LATS2: variants seen among roughly 807,000 people sequenced by gnomAD.
LATS2 encodes large tumor suppressor kinase 2, also known as serine/threonine-protein kinase LATS2.
In LATS2, 24 loss-of-function variants were observed where a neutral mutation model predicts 76.0. The observed-to-expected ratio is 0.32, with a 90% CI of 0.23 to 0.44. The LOEUF (loss-of-function observed/expected upper bound fraction) is 0.44, where lower values mean the gene tolerates loss of function less well. Ranked by LOEUF, LATS2 falls within the 20% of genes least tolerant of loss-of-function variation. The probability of loss-of-function intolerance (pLI) is 1.00; values close to 1 mark genes in which losing one functional copy is unlikely to be tolerated. For synonymous variants in LATS2, 692 were observed against 635.4 expected (o/e 1.09, Z -1.34); for missense variants, 1,286 against 1,481.2 (o/e 0.87, Z 2.16).
chr13:20,982,762 C>T (rs1869949991), intron 5 of LATS2, among the ~76,000 whole-genome samples: 1 of 151,288 alleles, frequency 6.6e-6, no homozygotes, highest in East Asian at 2.0e-4. Flanking sequence ...GAGGCGGAGG[C>T]AGGCGGATCA....
intron 2 of LATS2, among the ~76,000 whole-genome samples, chr13:21,041,346 T>C (rs9509497): frequency 0.58 from 88,924 of 152,078 alleles, 28,510 homozygotes; most frequent in Non-Finnish European, 0.73. Flanking sequence ...TCAGGAAGGC[T>C]GCCTCTCAGT....
At chr13:21,034,497 C>G (rs1221100715) in intron 2 of LATS2, among the ~76,000 whole-genome samples, 1 of 152,234 alleles carries the variant, frequency 6.6e-6, no homozygotes, top group African/African-American at 2.4e-5. Context: ...AGACCTGGAA[C>G]ACCACTGCAG....
At chr13:21,044,727 TG>T (rs1258788851) in intron 2 of LATS2, among the ~76,000 whole-genome samples, 1 of 138,490 alleles carries the variant, frequency 7.2e-6, no homozygotes, top group African/African-American at 2.6e-5. Context: ...TGTGTGTGTG[TG>T]TGTGTGTGTG....
chr13:20,987,565 T>C (rs1870213235), intron 4 of LATS2, among the ~76,000 whole-genome samples: 1 of 152,260 alleles, frequency 6.6e-6, no homozygotes, highest in Non-Finnish European at 1.5e-5. Context: ...ATGATGAATT[T>C]TGTTAAGCGA....
intron 2 of LATS2, among the ~76,000 whole-genome samples, chr13:21,008,243 C>A (rs1871436767): frequency 6.6e-6 from 1 of 152,106 alleles, no homozygotes; most frequent in Admixed American, 6.5e-5. Context: ...GGGCGGCTCT[C>A]CTGGGACTCC....
At chr13:21,005,021 T>A (rs1311792206) in intron 2 of LATS2, 2 of 152,158 alleles carry the variant, frequency 1.3e-5, no homozygotes. Context: ...AGCACAGGAA[T>A]GGGGCACTTC....
At chr13:21,005,611 T>G (rs1595228436) in intron 2 of LATS2, 1 of 152,212 alleles carries the variant, frequency 6.6e-6, no homozygotes, top group Middle Eastern at 3.4e-3. Context: ...TAGTTGGGGT[T>G]TTAATTCGCA....
Position 20,988,000 on chromosome 13 carries a change from T to C in LATS2, c.1780A>G (p.Ile594Val), listed in dbSNP as rs201033230. The C allele has an allele frequency of 2.1e-5, 34 of 1,614,272 alleles. No homozygotes were observed. The East Asian group carries it at 7.4e-4, about 35-fold the overall frequency. Reference protein sequence around the residue: ...SRDEEKRESRIKSYSPYAFKF... With the variant: ...SRDEEKRESRVKSYSPYAFKF... ...AAGGCGTATGGCGAGTAGCTCTTGA[T>C]GCGTGACTCTCTCTTCTCTTCGTCT... Residue 594 changes from isoleucine to valine, a missense_variant, in exon 4 of 8, where the codon ATC becomes GTC. This residue lies in a region of LATS2 where 710 missense variants were observed against 660.9 expected (regional missense o/e 1.07). Coordinates refer to ENST00000382592, the MANE Select transcript of LATS2 (RefSeq NM_014572.3).
intron 2 of LATS2, among the ~76,000 whole-genome samples, chr13:21,044,692 GTGTGTGT>G (rs1565964493): frequency 0.017 from 73 of 4,416 alleles, no homozygotes; most frequent in East Asian, 0.036. Context: ...GTGTAGGGGT[GTGTGTGT>G]GTGTGTGTGT....
intron 2 of LATS2, among the ~76,000 whole-genome samples, chr13:21,028,936 T>C (rs187913534): frequency 1.3e-5 from 2 of 152,354 alleles, no homozygotes; most frequent in Admixed American, 6.5e-5. Context: ...ACTGACCTTG[T>C]ATCCTGTGAC....
chr13:21,052,055 C>T (rs1222028943), intron 1 of LATS2, among the ~76,000 whole-genome samples: 3 of 152,164 alleles, frequency 2.0e-5, no homozygotes, highest in Admixed American at 6.5e-5. Flanking sequence ...TGGCACTGAG[C>T]GTGTGGTCTG....
chr13:21,023,076 G>A (rs1452860016), intron 2 of LATS2: 3 of 152,204 alleles, frequency 2.0e-5, no homozygotes, highest in African/African-American at 7.2e-5. Context: ...CAGAGCCCCA[G>A]GGGGGCAGTG....
chr13:20,974,906 C>A lies in LATS2; in HGVS notation c.3231G>T (p.Val1077=), dbSNP rs1566656229. 6.2e-7 allele frequency: 1 copy of A among 1,613,930 alleles called. No individual in the cohort carries two copies. Among genetic ancestry groups the A allele is most frequent in the East Asian group, 2.2e-5 (1 of 44,884 alleles). Reference sequence around the variant, plus strand: ...CAGGCTGGCAGCCTTCAGTCTGATCCACCAGATCAGAGCTTTCTAAATCTG... The same window carrying A: ...CAGGCTGGCAGCCTTCAGTCTGATCAACCAGATCAGAGCTTTCTAAATCTG... ...ESSDLESSDL[V]DQTEGCQPVY... is the part of the protein sequence containing the mutation. Residue 1077 remains valine (V), a synonymous_variant, in exon 8 of 8, where the codon GTG becomes GTT. Coordinates refer to ENST00000382592, the MANE Select transcript of LATS2 (RefSeq NM_014572.3).
intron 2 of LATS2, among the ~76,000 whole-genome samples, chr13:21,015,352 C>G (rs375208842): frequency 6.6e-5 from 10 of 152,260 alleles, no homozygotes; most frequent in African/African-American, 2.4e-4. Context: ...TGCAGACACA[C>G]GAAGGACCAG....
chr13:21,023,947 T>C (rs972832648), intron 2 of LATS2, among the ~76,000 whole-genome samples: 1 of 151,618 alleles, frequency 6.6e-6, no homozygotes, highest in Non-Finnish European at 1.5e-5. Flanking sequence ...CACTCCAGCC[T>C]GGGCAACAAG....
chr13:21,009,719 T>C (rs1390773833), intron 2 of LATS2, among the ~76,000 whole-genome samples: 1 of 152,114 alleles, frequency 6.6e-6, no homozygotes, highest in Non-Finnish European at 1.5e-5. Flanking sequence ...AGCTGCTACC[T>C]CCACATAACA....
intron 2 of LATS2, among the ~76,000 whole-genome samples, chr13:21,004,111 A>T (rs1466273961): frequency 2.0e-5 from 3 of 152,230 alleles, no homozygotes; most frequent in Non-Finnish European, 4.4e-5. Flanking sequence ...CATACAAAAG[A>T]ATATAACATT....
At chr13:20,978,227 T>A (rs1869715498) in intron 7 of LATS2, among the ~76,000 whole-genome samples, 1 of 151,942 alleles carries the variant, frequency 6.6e-6, no homozygotes, top group African/African-American at 2.4e-5. Flanking sequence ...ACTAGACAGA[T>A]TTTCTAATTA....
chr13:21,010,947 T>A (rs954305099), intron 2 of LATS2, among the ~76,000 whole-genome samples: 2 of 152,240 alleles, frequency 1.3e-5, no homozygotes, highest in African/African-American at 4.8e-5. Flanking sequence ...CAAACACTCC[T>A]TAGATTCTCT....
Sources: allele counts gnomAD v4.1 joint callset (sites outside exome capture counted in the v4.1 genomes callset), GRCh38; gene constraint gnomAD v4.1.1; regional missense constraint gnomAD v4.1.1; transcripts MANE v1.5; gene names NCBI Gene and HGNC (gene_info 2026-07-23, HGNC 2026-07-21).